Variants in LIPI observed in about 807,000 individuals in gnomAD.
LIPI encodes lipase member I.
LIPI carries 59 observed loss-of-function variants against 50.6 expected under a neutral mutation model. The observed-to-expected ratio is 1.16, with a 90% CI of 0.94 to 1.45. The LOEUF (loss-of-function observed/expected upper bound fraction) is 1.45. Ranked by LOEUF, LIPI falls within the 40% of genes most tolerant of loss-of-function variation. The pLI, the probability that LIPI is intolerant of heterozygous loss-of-function variation, is 0.00. For synonymous variants in LIPI, 203 were observed against 178.2 expected, an observed-to-expected ratio of 1.14 and a Z score of -1.11; for missense variants, 586 against 536.3, an observed-to-expected ratio of 1.09 and a Z score of -0.92.
intron 3 of LIPI, 71 bp downstream of exon 3, chr21:14,185,890 A>C (rs2019436360): frequency 1.0e-6 from 1 of 965,892 alleles, no homozygotes; most frequent in Non-Finnish European, 1.6e-6. Context: ...CTCAAAAAAA[A>C]AAAAATTAGC....
At chr21:14,184,589 C>T (rs973827376) in intron 3 of LIPI, among the ~76,000 whole-genome samples, 4 of 152,162 alleles carry the variant, frequency 2.6e-5, no homozygotes, top group African/African-American at 9.7e-5. Context: ...ATTTAACCCA[C>T]TTGACTGAAT....
At chr21:14,174,453 C>T (rs915249449) in intron 4 of LIPI, among the ~76,000 whole-genome samples, 1 of 152,196 alleles carries the variant, frequency 6.6e-6, no homozygotes, top group African/African-American at 2.4e-5. Flanking sequence ...CACCTGGGAG[C>T]TCCCAGTGTG....
chr21:14,188,998 T>C (rs763935334), intron 2 of LIPI, 36 bp downstream of exon 2: 7 of 1,508,374 alleles, frequency 4.6e-6, no homozygotes, highest in East Asian at 2.3e-5. Flanking sequence ...TAATATATTG[T>C]ATAGCATGTA....
intron 7 of LIPI, among the ~76,000 whole-genome samples, chr21:14,154,492 G>C (rs1183530911): frequency 6.6e-6 from 1 of 151,668 alleles, no homozygotes; most frequent in African/African-American, 2.4e-5. Flanking sequence ...GAGGGAATAA[G>C]ACAAAATGTA....
intron 1 of LIPI, among the ~76,000 whole-genome samples, chr21:14,190,476 C>A (rs2019634045): frequency 2.0e-5 from 3 of 152,078 alleles, no homozygotes; most frequent in Admixed American, 1.3e-4. Context: ...GCCAGTAATT[C>A]CACTTTAAAG....
In LIPI at chr21:14,109,034, CTTCCTCTCTGTCTTTAAGTACAATATTA is replaced by C; in HGVS notation, c.1314_1341del (p.Tyr438Ter). The C allele has an allele frequency of 6.2e-7, 1 of 1,600,076 alleles. No homozygotes were observed. Among genetic ancestry groups the C allele is most frequent in the African/African-American group, 1.3e-5 (1 of 74,736 alleles). ...GTACATGTGTTTGGATTAAGAAACA[CTTCCTCTCTGTCTTTAAGTACAATATTA>C]TACCTGCAAAGTGGTGGTCTGAGAA... is the stretch of plus-strand genomic sequence containing the variant. On this transcript the variant is annotated frameshift_variant, in exon 10 of 10. Coordinates refer to ENST00000681601, the MANE Select transcript of LIPI (RefSeq NM_001302998.2). LOFTEE classifies it high-confidence loss of function.
intron 9 of LIPI, among the ~76,000 whole-genome samples, chr21:14,129,808 TTAA>T (rs1568838510): frequency 3.5e-5 from 5 of 140,948 alleles, no homozygotes; most frequent in African/African-American, 1.4e-4. Flanking sequence ...GTTTTTTTTT[TTAA>T]AAAAAAAAAA....
At chr21:14,161,556 T>A (rs2018466532) in intron 7 of LIPI, among the ~76,000 whole-genome samples, 2 of 112,006 alleles carry the variant, frequency 1.8e-5, no homozygotes, top group African/African-American at 7.1e-5. Context: ...TATATATTAA[T>A]ATATTATATC....
intron 4 of LIPI, among the ~76,000 whole-genome samples, chr21:14,179,073 G>T (rs902591192): frequency 6.6e-6 from 1 of 152,038 alleles, no homozygotes; most frequent in African/African-American, 2.4e-5. Context: ...GAGATGTTTT[G>T]CAAACCCAAT....
chr21:14,190,401 A>C (rs1436335450), intron 1 of LIPI, among the ~76,000 whole-genome samples: 2 of 152,148 alleles, frequency 1.3e-5, no homozygotes, highest in Non-Finnish European at 2.9e-5. Context: ...TAATTTGATA[A>C]TAATATTCAG....
chr21:14,145,569 AGAG>A (rs1447993986), intron 8 of LIPI, among the ~76,000 whole-genome samples: 1 of 152,082 alleles, frequency 6.6e-6, no homozygotes, highest in African/African-American at 2.4e-5. Context: ...CTGATGGCAA[AGAG>A]GAGAAAGAGA....
chr21:14,136,324 A>G (rs2017497709), intron 9 of LIPI, among the ~76,000 whole-genome samples: 1 of 152,184 alleles, frequency 6.6e-6, no homozygotes, highest in Admixed American at 6.5e-5. Context: ...GCCCTGATCC[A>G]GAGGGAGCCC....
At chr21:14,176,233 A>T (rs1028637716) in intron 4 of LIPI, among the ~76,000 whole-genome samples, 3 of 151,606 alleles carry the variant, frequency 2.0e-5, no homozygotes, top group African/African-American at 7.3e-5. Flanking sequence ...ATAATAATTA[A>T]TTTTTATCTT....
chr21:14,172,024 AAAAC>A (rs2018928856), intron 4 of LIPI, among the ~76,000 whole-genome samples: 1 of 152,124 alleles, frequency 6.6e-6, no homozygotes, highest in Non-Finnish European at 1.5e-5. Flanking sequence ...TTACAAGAAA[AAAAC>A]AAACAACCCC....
In LIPI at chr21:14,152,661, T is replaced by G. The variant is rs202154453; in HGVS notation, c.1030A>C (p.Ile344Leu). 1.4e-4 allele frequency: 216 copies of G among 1,509,068 alleles called. No homozygotes were observed. The highest frequency in any genetic ancestry group is 1.4e-3 in the Middle Eastern group (7 of 5,162). The allele number at this position is 1,509,068 out of a possible 1,614,324, so 93.5% of individuals were successfully genotyped here. A position where few individuals can be genotyped will look rare whatever the true frequency, so the allele number is the denominator to read the frequency against. Residue 344 changes from isoleucine (I) to leucine (L), a missense_variant, in exon 8 of 10, where the codon ATT becomes CTT. Coordinates refer to ENST00000681601, the MANE Select transcript of LIPI (RefSeq NM_001302998.2). ...FCTYYFVLSI[I>L]VPDKTMMDGS... ...TCCATCATAGTTTTATCTGGAACAATTATACTGAGAACAAAATAATAGGCT... is the reference window on the plus strand; with the variant it reads ...TCCATCATAGTTTTATCTGGAACAAGTATACTGAGAACAAAATAATAGGCT...
chr21:14,158,384 A>G (rs1338454686), intron 7 of LIPI, among the ~76,000 whole-genome samples: 1 of 151,598 alleles, frequency 6.6e-6, no homozygotes, highest in Non-Finnish European at 1.5e-5. Flanking sequence ...AATACATAGA[A>G]CAGAATAAAA....
intron 7 of LIPI, among the ~76,000 whole-genome samples, chr21:14,161,981 G>C (rs192657219): frequency 7.0e-6 from 1 of 142,380 alleles, no homozygotes; most frequent in Admixed American, 7.4e-5. Flanking sequence ...TTCCCTGGAG[G>C]TTCATCCCTG....
At chr21:14,196,732 A>G (rs903032674) in intron 1 of LIPI, among the ~76,000 whole-genome samples, 1 of 152,122 alleles carries the variant, frequency 6.6e-6, no homozygotes, top group Non-Finnish European at 1.5e-5. Flanking sequence ...AGGCTGAGGT[A>G]GGAGGATTGC....
intron 1 of LIPI, among the ~76,000 whole-genome samples, chr21:14,209,886 A>C (rs1375515241): frequency 1.3e-5 from 2 of 151,994 alleles, no homozygotes; most frequent in Admixed American, 6.6e-5. Flanking sequence ...CCTATCAAGA[A>C]ACTTAAGAGT....
Sources: allele counts gnomAD v4.1 joint callset (sites outside exome capture counted in the v4.1 genomes callset), GRCh38; gene constraint gnomAD v4.1.1; transcripts MANE v1.5; gene names NCBI Gene and HGNC (gene_info 2026-07-23, HGNC 2026-07-21).